The following HOXC12 variants were observed in gnomAD, a reference collection of about 807,000 sequenced individuals.
The protein encoded by HOXC12 is homeobox C12, also known as homeobox protein Hox-C12.
Under a neutral mutation model 20.9 loss-of-function variants are expected in HOXC12, and 24 were observed. The ratio of observed to expected loss-of-function variants is 1.15; its 90% CI spans 0.83 to 1.61. The LOEUF is 1.61. HOXC12 is among the 40% of genes most tolerant of loss of function. HOXC12 has a pLI of 0.00. For synonymous variants in HOXC12, 202 were observed against 197.7 expected (o/e 1.02, Z -0.18); for missense variants, 436 against 406.9 (o/e 1.07, Z -0.62).
Position 53,955,236 on chromosome 12 carries a change from G to T in HOXC12, c.307G>T (p.Gly103Cys), listed in dbSNP as rs1022466322. Residue 103 changes from glycine (G) to cysteine (C), a missense_variant, in exon 1 of 2, where the codon GGC (glycine) becomes TGC (cysteine). Physicochemically the swap from Gly to Cys is radical, Grantham distance 159. Transcript: ENST00000243103. ...GYYREPCAEGGGGGLKREERG... is the reference protein window; with the variant it reads ...GYYREPCAEGCGGGLKREERG... The stretch of plus-strand genomic sequence containing the variant: ...CTACCGCGAGCCGTGCGCCGAGGGT[G>T]GCGGCGGGGGCCTGAAGCGTGAGGA... 6 of 1,587,750 alleles carry T rather than the reference G, an allele frequency of 3.8e-6. No individual in the cohort carries two copies. The East Asian group carries it at 1.4e-4, about 36-fold the overall frequency.
Position 53,958,683 on chromosome 12 carries a change from G to A in HOXC12, c.*2117G>A, listed in dbSNP as rs1165326938. On this transcript the variant is annotated 3_prime_UTR_variant, in exon 2 of 2. Transcript: ENST00000243103. ...GACCAGAACACTCTAAAAGGAGTGA[G>A]GGGACAAAGATATGCAATATTCTCT... 2 of 152,170 alleles carry A rather than the reference G, an allele frequency of 1.3e-5. No individual in the cohort carries two copies. Among genetic ancestry groups the A allele is most frequent in the East Asian group, 1.9e-4 (1 of 5,194 alleles). The allele number at this position is 152,170 out of a possible 1,614,324, so 9.4% of individuals were successfully genotyped here. A position where few individuals can be genotyped will look rare whatever the true frequency, so the allele number is the denominator to read the frequency against.
In HOXC12 at chr12:53,956,794, G is replaced by T. The variant is rs1592190148; in HGVS notation, c.*228G>T. ...AACCTAGCCAGGGAGAGCAGAAGCC[G>T]GCAGCTGCCTGCGGTTGGCAGGGGC... On this transcript the variant is annotated 3_prime_UTR_variant, in exon 2 of 2. Coordinates refer to ENST00000243103, the MANE Select transcript of HOXC12 (RefSeq NM_173860.3). 1 of 411,776 alleles carries T rather than the reference G, an allele frequency of 2.4e-6. No individual in the cohort carries two copies. Among genetic ancestry groups the T allele is most frequent in the Admixed American group, 4.3e-5 (1 of 23,484 alleles). The allele number at this position is 411,776 out of a possible 1,614,324, so 25.5% of individuals were successfully genotyped here.
At chr12:53,956,000 A>G (rs1217872671) in intron 1 of HOXC12, among the ~76,000 whole-genome samples, 2 of 152,240 alleles carry the variant, frequency 1.3e-5, no homozygotes, top group African/African-American at 2.4e-5. Flanking sequence ...ACCAGGAAAT[A>G]GGGAAGAAGA....
chr12:53,955,411 C>T lies in HOXC12; in HGVS notation c.482C>T (p.Pro161Leu), dbSNP rs1938845907. The change falls in exon 1 of 2, where the codon CCC becomes CTC. Residue 161 changes from proline to leucine, a missense_variant. Coordinates refer to ENST00000243103, the MANE Select transcript of HOXC12 (RefSeq NM_173860.3). ...GGGAGPPHDP[P>L]SCQSLESDSS... ...GGCGCAGGACCTCCGCACGACCCGC[C>T]CTCCTGCCAGTCGCTGGAATCCGAC... 2.6e-6 allele frequency: 4 copies of T among 1,510,916 alleles called. No homozygotes were observed. In the African/African-American group the frequency reaches 5.7e-5, roughly 22 times the overall value. The allele number at this position is 1,510,916 out of a possible 1,614,324, so 93.6% of individuals were successfully genotyped here.
At position 53,955,008 on chromosome 12, in the gene HOXC12, C is replaced by T. The variant is rs775128404; in HGVS notation, c.79C>T (p.Pro27Ser). 5.6e-6 allele frequency: 9 copies of T among 1,614,254 alleles called. No homozygotes were observed. The South Asian group carries it at 9.9e-5, about 18-fold the overall frequency. ...NIHTGDTFYF[P>S]NFRASGAQLP... ...CCACACGGGAGACACCTTCTACTTC[C>T]CCAACTTCCGCGCGTCCGGGGCGCA... Residue 27 changes from proline (P) to serine (S), a missense_variant, in exon 1 of 2, where the codon CCC (proline) becomes TCC (serine). Coordinates refer to ENST00000243103, the MANE Select transcript of HOXC12 (RefSeq NM_173860.3).
At position 53,955,312 on chromosome 12, in the gene HOXC12, A is replaced by G. The variant is rs1592189289; in HGVS notation, c.383A>G (p.Glu128Gly). Residue 128 changes from glutamate to glycine, a missense_variant, in exon 1 of 2, where the codon GAG becomes GGG. Glu to Gly is a moderately conservative substitution (Grantham distance 98, BLOSUM62 -2). Coordinates refer to ENST00000243103, the MANE Select transcript of HOXC12 (RefSeq NM_173860.3). Reference protein sequence around the residue: ...AGPGAALLPLEPSGPPALGFK... With the variant: ...AGPGAALLPLGPSGPPALGFK... ...CCCGGGGCAGCGCTGCTCCCGCTGG[A>G]GCCGTCGGGGCCGCCTGCGCTCGGC... The G allele has an allele frequency of 7.2e-7, 1 of 1,384,798 alleles. No homozygotes were observed. The highest frequency in any genetic ancestry group is 9.3e-7 in the Non-Finnish European group (1 of 1,078,492). 85.8% of individuals were successfully genotyped at this position (1,384,798 alleles called of 1,614,324 possible). A position where few individuals can be genotyped will look rare whatever the true frequency, so the allele number is the denominator to read the frequency against.
chr12:53,956,253 T>G (rs12578555), intron 1 of HOXC12, 75 bp from the exon 2 acceptor site: 105,800 of 1,227,846 alleles, frequency 0.086, 5,141 homozygotes, highest in African/African-American at 0.18. Flanking sequence ...TGAAAGGGTC[T>G]GGGGAAGGGC....
chr12:53,956,782 A>T lies in HOXC12; in HGVS notation c.*216A>T. ...GAGAAGGGAAGAAACCTAGCCAGGG[A>T]GAGCAGAAGCCGGCAGCTGCCTGCG... On this transcript the variant is annotated 3_prime_UTR_variant, in exon 2 of 2. Transcript: ENST00000243103. The T allele has an allele frequency of 2.3e-6, 1 of 425,656 alleles. No homozygotes were observed. Among genetic ancestry groups the T allele is most frequent in the South Asian group, 6.1e-5 (1 of 16,432 alleles). 26.4% of individuals were successfully genotyped at this position (425,656 alleles called of 1,614,324 possible). A position where few individuals can be genotyped will look rare whatever the true frequency, so the allele number is the denominator to read the frequency against.
Position 53,956,675 on chromosome 12 carries a change from A to T in HOXC12, c.*109A>T. The T allele has an allele frequency of 1.3e-6, 1 of 793,972 alleles. No individual in the cohort carries two copies. The highest frequency in any genetic ancestry group is 2.1e-6 in the Non-Finnish European group (1 of 482,102). The allele number at this position is 793,972 out of a possible 1,614,324, so 49.2% of individuals were successfully genotyped here. On this transcript the variant is annotated 3_prime_UTR_variant, in exon 2 of 2. Transcript: ENST00000243103. Reference sequence around the variant, plus strand: ...ACTTAGAACGCCAGGCGTCTCTGGCAGGCCCTCCCTGGATATCCTCTTGTC... The same window carrying T: ...ACTTAGAACGCCAGGCGTCTCTGGCTGGCCCTCCCTGGATATCCTCTTGTC...
intron 1 of HOXC12, 138 bp downstream of exon 1, chr12:53,955,677 G>C (rs772868739): frequency 2.0e-6 from 2 of 1,000,488 alleles, no homozygotes; most frequent in East Asian, 3.3e-5. Context: ...AAGTGCGGGT[G>C]GGGGGAGCCT....
chr12:53,956,294 C>A, intron 1 of HOXC12, 34 bp from the exon 2 acceptor site: 1 of 1,543,008 alleles, frequency 6.5e-7, no homozygotes, highest in African/African-American at 1.4e-5. Flanking sequence ...CCCTTTGATC[C>A]TTTGGCCAAC....
In HOXC12 at chr12:53,957,509, T is replaced by C. The variant is rs951546532; in HGVS notation, c.*943T>C. ...TAGATGGGGCTACGGAGCACCACACTGATTGGCCGGGAGAATTTCTGACAG... is the reference window on the plus strand; with the variant it reads ...TAGATGGGGCTACGGAGCACCACACCGATTGGCCGGGAGAATTTCTGACAG... On this transcript the variant is annotated 3_prime_UTR_variant, in exon 2 of 2. Coordinates refer to ENST00000243103, the MANE Select transcript of HOXC12 (RefSeq NM_173860.3). 5.3e-5 allele frequency: 8 copies of C among 152,316 alleles called. No homozygotes were observed. Among genetic ancestry groups the C allele is most frequent in the African/African-American group, 1.9e-4 (8 of 41,470 alleles). The allele number at this position is 152,316 out of a possible 1,614,324, so 9.4% of individuals were successfully genotyped here.
chr12:53,956,355 G>T lies in HOXC12; in HGVS notation c.638G>T (p.Arg213Leu). The T allele has an allele frequency of 1.9e-6, 3 of 1,600,214 alleles. No homozygotes were observed. Among genetic ancestry groups the T allele is most frequent in the African/African-American group, 1.3e-5 (1 of 74,232 alleles). Reference sequence around the variant, plus strand: ...GCGCCCTGGTACCCGATCAACAGCCGCTCTCGGAAGAAGCGCAAGCCCTAT... The same window carrying T: ...GCGCCCTGGTACCCGATCAACAGCCTCTCTCGGAAGAAGCGCAAGCCCTAT... ...SGAPWYPINS[R>L]SRKKRKPYSK... The change falls in exon 2 of 2, where the codon CGC becomes CTC. Residue 213 changes from arginine (R) to leucine (L), a missense_variant. Arg to Leu is a moderately radical substitution (Grantham distance 102). Coordinates refer to ENST00000243103, the MANE Select transcript of HOXC12 (RefSeq NM_173860.3).
rs1159774066 is a variant in HOXC12, at chr12:53,955,525, G to C, written c.596G>C (p.Gly199Ala). 6.8e-7 allele frequency: 1 copy of C among 1,465,800 alleles called. No individual in the cohort carries two copies. The highest frequency in any genetic ancestry group is 1.5e-5 in the African/African-American group (1 of 68,522). 90.8% of individuals were successfully genotyped at this position (1,465,800 alleles called of 1,614,324 possible). The change falls in exon 1 of 2, where the codon GGG (glycine) becomes GCG (alanine). Residue 199 changes from glycine (G) to alanine (A), a missense_variant. Gly to Ala is a moderately conservative substitution (Grantham distance 60). Transcript: ENST00000243103. ...GTATCGCCGTTGAACCCCGGCGGCGGGCTCTCGGCCAGCGGTAAGGACCCC... is the reference window on the plus strand; with the variant it reads ...GTATCGCCGTTGAACCCCGGCGGCGCGCTCTCGGCCAGCGGTAAGGACCCC... ...SLVSPLNPGG[G>A]LSASGAPWYP... is the part of the protein sequence containing the mutation.
At position 53,956,605 on chromosome 12, in the gene HOXC12, C is replaced by G. The variant is rs1440964079; in HGVS notation, c.*39C>G. On this transcript the variant is annotated 3_prime_UTR_variant, in exon 2 of 2. Coordinates refer to ENST00000243103, the MANE Select transcript of HOXC12 (RefSeq NM_173860.3). Reference sequence around the variant, plus strand: ...GGCGCCAGCCCCAGACTGAGCCTGTCCCTGGCAGAGAGCAAAAGAGGGCGC... The same window carrying G: ...GGCGCCAGCCCCAGACTGAGCCTGTGCCTGGCAGAGAGCAAAAGAGGGCGC... The G allele has an allele frequency of 2.0e-6, 3 of 1,495,836 alleles. No individual in the cohort carries two copies. In the African/African-American group the frequency reaches 4.2e-5, roughly 21 times the overall value. The allele number at this position is 1,495,836 out of a possible 1,614,324, so 92.7% of individuals were successfully genotyped here.
Position 53,956,715 on chromosome 12 carries a change from T to C in HOXC12, c.*149T>C. 1 of 639,330 alleles carries C rather than the reference T, an allele frequency of 1.6e-6. No individual in the cohort carries two copies. The allele number at this position is 639,330 out of a possible 1,614,324, so 39.6% of individuals were successfully genotyped here. A position where few individuals can be genotyped will look rare whatever the true frequency, so the allele number is the denominator to read the frequency against. On this transcript the variant is annotated 3_prime_UTR_variant, in exon 2 of 2. Transcript: ENST00000243103. Reference sequence around the variant, plus strand: ...ATCCTCTTGTCTGTTTTGTTCGTGGTTCCCTCCCATACACACCCAAAACAC... The same window carrying C: ...ATCCTCTTGTCTGTTTTGTTCGTGGCTCCCTCCCATACACACCCAAAACAC...
Position 53,956,097 on chromosome 12 carries a change from T to TAAGAGCAAAGAATGAAAGGAAAAAA in HOXC12, c.611-225_611-201dup, listed in dbSNP as rs1938861928. Among the ~76,000 whole-genome samples the TAAGAGCAAAGAATGAAAGGAAAAAA allele has an allele frequency of 4.7e-5, 7 of 150,126 alleles. No individual in the cohort carries two copies. The South Asian group carries it at 1.5e-3, about 32-fold the overall frequency. ...GCAGCAGGAGGTAGGGTTGAGGAGGTAAGAGCAAAGAATGAAAGGAAAAAA... is the reference window on the plus strand; with the variant it reads ...GCAGCAGGAGGTAGGGTTGAGGAGGTAAGAGCAAAGAATGAAAGGAAAAAAAAGAGCAAAGAATGAAAGGAAAAAA... On this transcript the variant is annotated intron_variant, in intron 1 of 1. Transcript: ENST00000243103.
intron 1 of HOXC12, 139 bp downstream of exon 1, chr12:53,955,678 G>C (rs1262856463): frequency 4.0e-6 from 4 of 1,008,102 alleles, no homozygotes. Context: ...AGTGCGGGTG[G>C]GGGGAGCCTA....
chr12:53,954,936 G>C lies in HOXC12; in HGVS notation c.7G>C (p.Glu3Gln), dbSNP rs1022435747. The C allele has an allele frequency of 6.2e-7, 1 of 1,607,272 alleles. No individual in the cohort carries two copies. The highest frequency in any genetic ancestry group is 1.7e-5 in the Admixed American group (1 of 59,892). Residue 3 changes from glutamate (E) to glutamine (Q), a missense_variant, in exon 1 of 2, where the codon GAG (glutamate) becomes CAG (glutamine). Coordinates refer to ENST00000243103, the MANE Select transcript of HOXC12 (RefSeq NM_173860.3). ...CCGGTCGGGCCCCGCGGAAATGGGCGAGCATAATCTCCTGAATCCCGGGTT... is the reference window on the plus strand; with the variant it reads ...CCGGTCGGGCCCCGCGGAAATGGGCCAGCATAATCTCCTGAATCCCGGGTT... MGEHNLLNPGFVG... is the reference protein window; with the variant it reads MGQHNLLNPGFVG...
Sources: allele counts gnomAD v4.1 joint callset (sites outside exome capture counted in the v4.1 genomes callset), GRCh38; gene constraint gnomAD v4.1.1; transcripts MANE v1.5; gene names NCBI Gene and HGNC (gene_info 2026-07-23, HGNC 2026-07-21).